Variants in TSPAN11 observed in about 807,000 individuals in gnomAD.
TSPAN11 encodes tetraspanin-11.
TSPAN11 carries 29 observed loss-of-function variants against 32.9 expected under a neutral mutation model. That is an observed-to-expected ratio of 0.88 (90% CI 0.66 to 1.20). TSPAN11 has a LOEUF of 1.20. Ranked by LOEUF, TSPAN11 falls within the 50% of genes most tolerant of loss-of-function variation. The pLI is 0.00. For missense variants in TSPAN11, 283 were observed against 329.1 expected (o/e 0.86, Z 1.08); for synonymous variants, 140 against 141.3 (o/e 0.99, Z 0.07).
At chr12:31,000,725 C>T (rs766959842), downstream of TSPAN11, among the ~76,000 whole-genome samples, 1 of 152,118 alleles carries the variant, frequency 6.6e-6, no homozygotes, top group East Asian at 1.9e-4. Context: ...GGAGGAACCT[C>T]GATAATGTTT....
At chr12:30,948,886 T>G (rs933301754) in intron 1 of TSPAN11, among the ~76,000 whole-genome samples, 1 of 152,228 alleles carries the variant, frequency 6.6e-6, no homozygotes, top group African/African-American at 2.4e-5. Context: ...TCTGCTTCCC[T>G]TATGAAACTG....
the TSPAN11 span, among the ~76,000 whole-genome samples, chr12:31,014,642 G>A: frequency 6.6e-6 from 1 of 152,110 alleles, no homozygotes; most frequent in Admixed American, 6.5e-5. Flanking sequence ...ACCTCATCAT[G>A]ATACTTTGTC....
chr12:31,013,122 A>T, the TSPAN11 span, among the ~76,000 whole-genome samples: 10 of 152,374 alleles, frequency 6.6e-5, no homozygotes, highest in African/African-American at 9.6e-5. Flanking sequence ...TGATCACAAC[A>T]AAGATGAATA....
At chr12:31,001,976 GC>G in the TSPAN11 span, among the ~76,000 whole-genome samples, 1 of 152,308 alleles carries the variant, frequency 6.6e-6, no homozygotes, top group Non-Finnish European at 1.5e-5. Context: ...GGTGGCAGGA[GC>G]CAAAGCAAGA....
At chr12:30,952,677 TG>T (rs1158910051) in intron 1 of TSPAN11, among the ~76,000 whole-genome samples, 2 of 152,106 alleles carry the variant, frequency 1.3e-5, no homozygotes, top group Non-Finnish European at 2.9e-5. Flanking sequence ...GATGAAAGGA[TG>T]GTCCAGTTGG....
intron 7 of TSPAN11, among the ~76,000 whole-genome samples, chr12:30,988,082 G>A (rs190068930): frequency 3.5e-4 from 53 of 152,298 alleles, no homozygotes; most frequent in Admixed American, 2.2e-3. Context: ...CTGAAGTTCT[G>A]CATTCCGGGA....
At chr12:30,964,104 G>C in intron 3 of TSPAN11, 87 bp downstream of exon 3, 1 of 1,459,982 alleles carries the variant, frequency 6.8e-7, no homozygotes, top group Non-Finnish European at 9.3e-7. Flanking sequence ...CCCCAGCCCT[G>C]GAGTGGGAGG....
downstream of TSPAN11, among the ~76,000 whole-genome samples, chr12:30,998,672 GAACGTCACTGCAGTAAGGACATAAC>G (rs962480965): frequency 6.6e-5 from 10 of 152,254 alleles, no homozygotes; most frequent in South Asian, 1.7e-3. Context: ...CATCAGCAAG[GAACGTCACTGCAGTAAGGACATAAC>G]AACGTCACTG....
intron 7 of TSPAN11, among the ~76,000 whole-genome samples, chr12:30,984,425 C>T (rs1939158952): frequency 6.6e-6 from 1 of 152,196 alleles, no homozygotes; most frequent in South Asian, 2.1e-4. Context: ...GGAAGGCCTC[C>T]AGAATTGGAA....
chr12:31,013,672 G>A, the TSPAN11 span, among the ~76,000 whole-genome samples: 17 of 152,328 alleles, frequency 1.1e-4, no homozygotes, highest in Admixed American at 9.8e-4. Flanking sequence ...AAGGTATGTA[G>A]TGAAACGGCA....
chr12:30,999,976 G>T (rs561347001), downstream of TSPAN11, among the ~76,000 whole-genome samples: 1 of 151,082 alleles, frequency 6.6e-6, no homozygotes, highest in Admixed American at 6.7e-5. Context: ...GCATCAATCA[G>T]CAGAGCTTGG....
rs35076 is a variant in TSPAN11, at chr12:30,991,949, A to G, written c.*34A>G. 640,246 of 1,612,798 alleles carry G rather than the reference A, an allele frequency of 0.4. 138,262 individuals are homozygous for G. Among genetic ancestry groups the G allele is most frequent in the East Asian group, 0.95 (42,545 of 44,864 alleles). Reference sequence around the variant, plus strand: ...CACCTCCTCTTCCAACTGCCCCTCAAGACAACATGTGGCCACATGCCATCT... The same window carrying G: ...CACCTCCTCTTCCAACTGCCCCTCAGGACAACATGTGGCCACATGCCATCT... On this transcript the variant is annotated 3_prime_UTR_variant, in exon 8 of 8. Transcript: ENST00000546076.
intron 1 of TSPAN11, 154 bp downstream of exon 1, chr12:30,926,950 G>T (rs575028689): frequency 2.3e-6 from 3 of 1,281,158 alleles, no homozygotes; most frequent in East Asian, 5.9e-5. Flanking sequence ...AGCCGGCTGG[G>T]GATGAGGAGT....
chr12:31,008,115 T>TTTC, the TSPAN11 span, among the ~76,000 whole-genome samples: 56 of 7,636 alleles, frequency 7.3e-3, no homozygotes, highest in South Asian at 0.013. Context: ...TTTTTTCTTT[T>TTTC]TTTTTTTTTT....
At chr12:30,965,634 C>A (rs1359540997) in intron 3 of TSPAN11, among the ~76,000 whole-genome samples, 1 of 152,184 alleles carries the variant, frequency 6.6e-6, no homozygotes, top group African/African-American at 2.4e-5. Context: ...CAGCAACCTG[C>A]AAAGTCCCGG....
chr12:30,992,315 T>C lies in TSPAN11; in HGVS notation c.*400T>C. The C allele has an allele frequency of 3.9e-6, 1 of 255,332 alleles. No individual in the cohort carries two copies. Among genetic ancestry groups the C allele is most frequent in the South Asian group, 6.2e-5 (1 of 16,074 alleles). 15.8% of individuals were successfully genotyped at this position (255,332 alleles called of 1,614,324 possible). On this transcript the variant is annotated 3_prime_UTR_variant, in exon 8 of 8. Coordinates refer to ENST00000546076, the MANE Select transcript of TSPAN11 (RefSeq NM_001370302.1). ...CGGCACTCCTGCATTCAGCACGGGA[T>C]TCCCCCACCCATGCCCAGAAGCCCT...
At chr12:30,948,363 C>A (rs1339351926) in intron 1 of TSPAN11, among the ~76,000 whole-genome samples, 1 of 152,248 alleles carries the variant, frequency 6.6e-6, no homozygotes, top group Non-Finnish European at 1.5e-5. Flanking sequence ...TTCCACACTG[C>A]CCTAGCAGAG....
rs774493092 is a variant in TSPAN11, at chr12:30,991,948, A to T, written c.*33A>T. 7 of 1,613,492 alleles carry T rather than the reference A, an allele frequency of 4.3e-6. No homozygotes were observed. Among genetic ancestry groups the T allele is most frequent in the South Asian group, 1.1e-5 (1 of 91,072 alleles). On this transcript the variant is annotated 3_prime_UTR_variant, in exon 8 of 8. Transcript: ENST00000546076. ...CCACCTCCTCTTCCAACTGCCCCTC[A>T]AGACAACATGTGGCCACATGCCATC...
At chr12:30,991,766 G>T in intron 7 of TSPAN11, 90 bp from the exon 8 acceptor site, 1 of 1,412,074 alleles carries the variant, frequency 7.1e-7, no homozygotes, top group South Asian at 1.2e-5. Context: ...CAGGGTATTC[G>T]AGTGAGCAGC....
Sources: allele counts gnomAD v4.1 joint callset (sites outside exome capture counted in the v4.1 genomes callset), GRCh38; gene constraint gnomAD v4.1.1; transcripts MANE v1.5; gene names NCBI Gene and HGNC (gene_info 2026-07-23, HGNC 2026-07-21).